The following LIPN variants were observed in gnomAD, a reference collection of about 807,000 sequenced individuals.
LIPN encodes the protein lipase member N.
In LIPN, 32 loss-of-function variants were observed where a neutral mutation model predicts 43.7. That is an observed-to-expected ratio of 0.73 (90% confidence interval 0.55 to 0.98). The LOEUF (loss-of-function observed/expected upper bound fraction) is 0.98. Among genes scored for constraint, LIPN ranks in the 50% least tolerant of loss-of-function variants. LIPN has a pLI of 0.00. For synonymous variants in LIPN, 156 were observed against 157.6 expected, an observed-to-expected ratio of 0.99 and a Z score of 0.08; for missense variants, 505 against 483.8, an observed-to-expected ratio of 1.04 and a Z score of -0.41.
At chr10:88,776,108 A>G (rs1843292100) in intron 9 of LIPN, among the ~76,000 whole-genome samples, 1 of 152,088 alleles carries the variant, frequency 6.6e-6, no homozygotes, top group African/African-American at 2.4e-5. Flanking sequence ...TTGTGTAACC[A>G]CACCACAATC....
rs1275161682 is a variant in LIPN, at chr10:88,778,289, A to C, written c.*47A>C. On this transcript the variant is annotated 3_prime_UTR_variant, in exon 10 of 10. Coordinates refer to ENST00000404459, the MANE Select transcript of LIPN (RefSeq NM_001102469.2). ...ATTAAAAGTTGCTTCCAAGCCCATA[A>C]GGGACTTTAGAAAAAATAGTAACCA... The C allele has an allele frequency of 1.4e-6, 2 of 1,416,444 alleles. No homozygotes were observed. Among genetic ancestry groups the C allele is most frequent in the Non-Finnish European group, 1.9e-6 (2 of 1,028,776 alleles). The allele number at this position is 1,416,444 out of a possible 1,614,324, so 87.7% of individuals were successfully genotyped here.
At chr10:88,776,386 T>C (rs1843296608) in intron 9 of LIPN, among the ~76,000 whole-genome samples, 1 of 152,108 alleles carries the variant, frequency 6.6e-6, no homozygotes, top group South Asian at 2.1e-4. Context: ...TATTTACATT[T>C]ACAAGAAAAT....
In LIPN at chr10:88,774,457, G is replaced by GT. The variant is rs746071387; in HGVS notation, c.820-12dup. The stretch of plus-strand genomic sequence containing the variant: ...TTGTTGGGCAATTGCTGTAATATGA[G>GT]TTTTATCTCCTTTAGAGTCGAATGG... On this transcript the variant is annotated splice_polypyrimidine_tract_variant and intron_variant, in intron 7 of 9. Coordinates refer to ENST00000404459, the MANE Select transcript of LIPN (RefSeq NM_001102469.2). 1 of 1,596,516 alleles carries GT rather than the reference G, an allele frequency of 6.3e-7. No individual in the cohort carries two copies. The highest frequency in any genetic ancestry group is 8.6e-7 in the Non-Finnish European group (1 of 1,168,482).
chr10:88,774,441 A>T (rs1192112239), intron 7 of LIPN, 32 bp from the exon 8 acceptor site: 4 of 1,521,550 alleles, frequency 2.6e-6, no homozygotes, highest in Non-Finnish European at 3.6e-6. Flanking sequence ...TTTGTTGGGC[A>T]ATTGCTGTAA....
At chr10:88,772,409 C>A (rs11202848) in intron 7 of LIPN, among the ~76,000 whole-genome samples, 9,284 of 151,860 alleles carry the variant, frequency 0.061, 599 homozygotes, top group East Asian at 0.26. Flanking sequence ...TGTCTTTAAT[C>A]CATTTTGATT....
chr10:88,767,608 T>G, intron 5 of LIPN, among the ~76,000 whole-genome samples: 1 of 122,058 alleles, frequency 8.2e-6, no homozygotes, highest in African/African-American at 3.1e-5. Context: ...TTTTGGAAAG[T>G]GGGTAGGACT....
chr10:88,762,435 G>C, intron 3 of LIPN, 130 bp downstream of exon 3: 1 of 636,356 alleles, frequency 1.6e-6, no homozygotes, highest in Non-Finnish European at 2.8e-6. Context: ...TCTTTAAATA[G>C]TTATCAGGGA....
At chr10:88,760,806 G>C (rs1425483451) in intron 1 of LIPN, among the ~76,000 whole-genome samples, 1 of 152,106 alleles carries the variant, frequency 6.6e-6, no homozygotes, top group African/African-American at 2.4e-5. Context: ...TGATGAGCAC[G>C]CTGTTTAGTG....
chr10:88,761,065 G>A (rs1331162822), intron 1 of LIPN, among the ~76,000 whole-genome samples: 1 of 152,082 alleles, frequency 6.6e-6, no homozygotes, highest in Non-Finnish European at 1.5e-5. Flanking sequence ...ATGAAAACCT[G>A]TCCTCTGAAT....
Position 88,761,409 on chromosome 10 carries a change from A to T in LIPN, c.4A>T (p.Met2Leu). The T allele has an allele frequency of 1.9e-6, 3 of 1,603,312 alleles. No homozygotes were observed. The highest frequency in any genetic ancestry group is 2.6e-6 in the Non-Finnish European group (3 of 1,170,746). Reference sequence around the variant, plus strand: ...ATGTTTTATGCCAGGCATTTCTATGATGTGGCTGCTTTTAACAACAACTTG... The same window carrying T: ...ATGTTTTATGCCAGGCATTTCTATGTTGTGGCTGCTTTTAACAACAACTTG... M[M>L]WLLLTTTCLI... The change falls in exon 2 of 10, where the codon ATG becomes TTG. Residue 2 changes from methionine to leucine, a missense_variant. Transcript: ENST00000404459.
At chr10:88,769,608 T>G in intron 6 of LIPN, 1 of 983,172 alleles carries the variant, frequency 1.0e-6, no homozygotes, top group Non-Finnish European at 1.2e-6. Context: ...GCCTTTGAAC[T>G]TGGGATGATG....
intron 8 of LIPN, 125 bp from the exon 9 acceptor site, chr10:88,774,967 T>G: frequency 1.6e-6 from 1 of 636,568 alleles, no homozygotes; most frequent in Non-Finnish European, 2.8e-6. Flanking sequence ...AAATGGGTGG[T>G]TACATCCTTC....
chr10:88,757,392 G>C (rs1337006696), upstream of LIPN, among the ~76,000 whole-genome samples: 1 of 152,152 alleles, frequency 6.6e-6, no homozygotes, highest in African/African-American at 2.4e-5. Flanking sequence ...CGTTATCAAG[G>C]ACAGCTGCCG....
Position 88,767,529 on chromosome 10 carries a change from G to T in LIPN, c.535+1151G>T, listed in dbSNP as rs184182808. Among the ~76,000 whole-genome samples the T allele has an allele frequency of 2.7e-3, 402 of 151,412 alleles. 12 individuals are homozygous for T. The highest frequency in any genetic ancestry group is 6.9e-4 in the Non-Finnish European group (47 of 67,770). On this transcript the variant is annotated intron_variant, in intron 5 of 9. Transcript: ENST00000404459. ...ACACAGATTCAAACCAGATGTATCT[G>T]ATTTCACCAATAGGGTGTGTAAGGA...
intron 3 of LIPN, among the ~76,000 whole-genome samples, chr10:88,762,523 C>T (rs1436135756): frequency 6.6e-6 from 1 of 152,090 alleles, no homozygotes; most frequent in African/African-American, 2.4e-5. Context: ...ATCTTGCTAA[C>T]TGCAACCAGA....
intron 9 of LIPN, among the ~76,000 whole-genome samples, chr10:88,775,912 T>A (rs1843289739): frequency 6.6e-6 from 1 of 152,078 alleles, no homozygotes; most frequent in Admixed American, 6.6e-5. Context: ...ACAATCAGAC[T>A]AATCAATTTC....
intron 7 of LIPN, among the ~76,000 whole-genome samples, chr10:88,773,189 T>C (rs766120027): frequency 1.7e-4 from 26 of 151,788 alleles, no homozygotes; most frequent in Non-Finnish European, 2.9e-4. Context: ...AGATGTCTGC[T>C]ATACATAGAA....
intron 5 of LIPN, among the ~76,000 whole-genome samples, chr10:88,768,548 C>A (rs1843149869): frequency 6.6e-6 from 1 of 151,804 alleles, no homozygotes; most frequent in Non-Finnish European, 1.5e-5. Context: ...CTTTCCCCTG[C>A]CAACTACTCC....
chr10:88,761,873 T>C (rs149849988), intron 2 of LIPN, among the ~76,000 whole-genome samples: 1 of 152,142 alleles, frequency 6.6e-6, no homozygotes, highest in African/African-American at 2.4e-5. Flanking sequence ...ATGATTGCCT[T>C]CTATTGATCT....
Sources: allele counts gnomAD v4.1 joint callset (sites outside exome capture counted in the v4.1 genomes callset), GRCh38; gene constraint gnomAD v4.1.1; transcripts MANE v1.5; gene names NCBI Gene and HGNC (gene_info 2026-07-23, HGNC 2026-07-21).